The following CMSS1 variants were observed in gnomAD, a reference collection of about 807,000 sequenced individuals.
The protein encoded by CMSS1 is protein CMSS1.
Under a neutral mutation model 43.5 loss-of-function variants are expected in CMSS1, and 33 were observed. The ratio of observed to expected loss-of-function variants is 0.76; its 90% CI spans 0.57 to 1.01. The LOEUF (loss-of-function observed/expected upper bound fraction) is 1.01, where lower values mean the gene tolerates loss of function less well. Ranked by LOEUF, CMSS1 falls within the 50% of genes least tolerant of loss-of-function variation. CMSS1 has a pLI of 0.00. For synonymous variants in CMSS1, 115 were observed against 117.2 expected, an observed-to-expected ratio of 0.98 and a Z score of 0.12; for missense variants, 313 against 326.4, an observed-to-expected ratio of 0.96 and a Z score of 0.32.
At chr3:100,162,645 TA>T (rs996433741) in intron 4 of CMSS1, among the ~76,000 whole-genome samples, 1 of 151,936 alleles carries the variant, frequency 6.6e-6, no homozygotes, top group African/African-American at 2.4e-5. Flanking sequence ...TCATCGCTAT[TA>T]AAAATAAGAA....
intron 1 of CMSS1, among the ~76,000 whole-genome samples, chr3:99,876,429 C>G (rs1430683570): frequency 6.6e-6 from 1 of 152,220 alleles, no homozygotes; most frequent in Non-Finnish European, 1.5e-5. Flanking sequence ...GTCGGGCTAA[C>G]AAAGTCATTG....
chr3:100,033,828 A>T (rs2065061696), intron 1 of CMSS1, among the ~76,000 whole-genome samples: 2 of 152,200 alleles, frequency 1.3e-5, no homozygotes, highest in African/African-American at 2.4e-5. Context: ...AGTATCCAGT[A>T]TACCTGTCTC....
Position 100,164,041 on chromosome 3 carries a change from AAGG to A in CMSS1, c.355+1612_355+1614del, listed in dbSNP as rs367767766. 4.7e-4 allele frequency among the ~76,000 whole-genome samples: 71 copies of A among 152,290 alleles called. 2 individuals are homozygous for A. In the East Asian group the frequency reaches 5.0e-3, roughly 11 times the overall value. On this transcript the variant is annotated intron_variant, in intron 4 of 9. Coordinates refer to ENST00000421999, the MANE Select transcript of CMSS1 (RefSeq NM_032359.4). ...GACATGAGTGCCCTGTCTGTTTTCC[AAGG>A]AGATTACCCTTTAGGGAATTGAAGG...
chr3:100,001,318 T>C (rs1449200071), intron 1 of CMSS1, among the ~76,000 whole-genome samples: 2 of 152,226 alleles, frequency 1.3e-5, no homozygotes, highest in African/African-American at 2.4e-5. Flanking sequence ...TATCTATCGC[T>C]GTTTCTGTGA....
chr3:99,899,742 A>G (rs1278329674), intron 1 of CMSS1, among the ~76,000 whole-genome samples: 1 of 152,166 alleles, frequency 6.6e-6, no homozygotes, highest in African/African-American at 2.4e-5. Flanking sequence ...TTCTTAATGC[A>G]CATTAACTCC....
intron 1 of CMSS1, among the ~76,000 whole-genome samples, chr3:100,104,656 C>T (rs1383286564): frequency 1.3e-5 from 2 of 152,102 alleles, no homozygotes; most frequent in East Asian, 3.9e-4. Flanking sequence ...AGGGCCTTTT[C>T]CTGTTTTGCA....
At chr3:100,020,100 A>T (rs2064781452) in intron 1 of CMSS1, among the ~76,000 whole-genome samples, 1 of 152,208 alleles carries the variant, frequency 6.6e-6, no homozygotes, top group South Asian at 2.1e-4. Context: ...TTGCTAGCAT[A>T]TCATATACCT....
intron 1 of CMSS1, among the ~76,000 whole-genome samples, chr3:99,994,828 C>T (rs1709627919): frequency 6.6e-6 from 1 of 152,196 alleles, no homozygotes; most frequent in Admixed American, 6.5e-5. Flanking sequence ...CATCAGATCT[C>T]ATGAGACTTA....
chr3:99,917,630 A>G (rs1425835328), intron 1 of CMSS1, among the ~76,000 whole-genome samples: 4 of 152,220 alleles, frequency 2.6e-5, no homozygotes, highest in Admixed American at 1.3e-4. Flanking sequence ...AATTTTTTAT[A>G]GTTATCTGGT....
chr3:100,138,479 C>A (rs927668043), intron 1 of CMSS1, among the ~76,000 whole-genome samples: 3 of 147,114 alleles, frequency 2.0e-5, no homozygotes, highest in African/African-American at 7.5e-5. Flanking sequence ...TTACAAGGAA[C>A]TTAAACAAAT....
intron 2 of CMSS1, 150 bp downstream of exon 2, chr3:100,147,211 C>A: frequency 1.5e-6 from 1 of 679,800 alleles, no homozygotes; most frequent in Non-Finnish European, 2.2e-6. Flanking sequence ...GGCCATGGGC[C>A]ATGCTTCCTT....
intron 1 of CMSS1, among the ~76,000 whole-genome samples, chr3:99,885,523 T>C (rs998826988): frequency 1.3e-5 from 2 of 152,246 alleles, no homozygotes; most frequent in African/African-American, 4.8e-5. Context: ...ATTTAAAATT[T>C]AGCACAAGTT....
intron 1 of CMSS1, among the ~76,000 whole-genome samples, chr3:100,140,209 T>G (rs1038775038): frequency 2.0e-5 from 3 of 151,830 alleles, no homozygotes; most frequent in Non-Finnish European, 4.4e-5. Flanking sequence ...CAGATTATTT[T>G]AATCCCACAA....
intron 1 of CMSS1, among the ~76,000 whole-genome samples, chr3:99,953,147 T>C (rs1708225941): frequency 6.6e-6 from 1 of 152,244 alleles, no homozygotes; most frequent in Admixed American, 6.5e-5. Context: ...AAACAGCATA[T>C]GAAGTATTAA....
At position 100,137,858 on chromosome 3, in the gene CMSS1, A is replaced by C. The variant is rs138092962; in HGVS notation, c.65-9115A>C. 7.0e-4 allele frequency among the ~76,000 whole-genome samples: 106 copies of C among 152,198 alleles called. 1 individual carries two copies. The highest frequency in any genetic ancestry group is 2.4e-3 in the African/African-American group (101 of 41,512). ...TGGGATTACAGGCTGAGCTACCACGACCAGCCAGCATGTAACATTTTTTAA... is the reference window on the plus strand; with the variant it reads ...TGGGATTACAGGCTGAGCTACCACGCCCAGCCAGCATGTAACATTTTTTAA... On this transcript the variant is annotated intron_variant, in intron 1 of 9. Transcript: ENST00000421999.
At chr3:99,928,558 A>G (rs750185280) in intron 1 of CMSS1, among the ~76,000 whole-genome samples, 1 of 152,202 alleles carries the variant, frequency 6.6e-6, no homozygotes, top group Non-Finnish European at 1.5e-5. Context: ...GAAGGGGGGT[A>G]TTTCCAATTT....
At position 100,160,869 on chromosome 3, in the gene CMSS1, AT is replaced by A. The variant is rs780362245; in HGVS notation, c.225+370del. On this transcript the variant is annotated intron_variant, in intron 3 of 9. Coordinates refer to ENST00000421999, the MANE Select transcript of CMSS1 (RefSeq NM_032359.4). ...AGAAATATACCAACCTCCTTTTTCT[AT>A]TCATTCCGGATTTTAAGACCTTATA... 2.6e-5 allele frequency among the ~76,000 whole-genome samples: 4 copies of A among 152,280 alleles called. No homozygotes were observed. In the East Asian group the frequency reaches 5.8e-4, roughly 22 times the overall value.
intron 1 of CMSS1, among the ~76,000 whole-genome samples, chr3:99,929,551 TATGTGTGTGC>T (rs1423075359): frequency 1.3e-5 from 2 of 151,560 alleles, no homozygotes; most frequent in East Asian, 3.9e-4. Flanking sequence ...TAAGCACATG[TATGTGTGTGC>T]ATGTGTGTGT....
chr3:99,883,380 A>G (rs1335122468), intron 1 of CMSS1, among the ~76,000 whole-genome samples: 3 of 152,202 alleles, frequency 2.0e-5, no homozygotes, highest in Non-Finnish European at 4.4e-5. Flanking sequence ...GTCTTCAGTT[A>G]TTCCTATATT....
Sources: gnomAD v4.1 joint callset for allele counts (sites outside exome capture counted in the v4.1 genomes callset) on GRCh38, gnomAD v4.1.1 for gene constraint, MANE v1.5 for transcripts, NCBI Gene and HGNC (gene_info 2026-07-23, HGNC 2026-07-21) for gene names.